The following POLR3H variants were observed in gnomAD, a reference collection of about 807,000 sequenced individuals.
The protein encoded by POLR3H is RNA polymerase III subunit H, also known as DNA-directed RNA polymerase III subunit RPC8.
Under a neutral mutation model 25.5 loss-of-function variants are expected in POLR3H, and 17 were observed. The ratio of observed to expected loss-of-function variants is 0.67; its 90% CI spans 0.46 to 1.00. POLR3H has a LOEUF of 1.00. Among genes scored for constraint, POLR3H ranks in the 50% least tolerant of loss-of-function variants. The pLI, the probability that POLR3H is intolerant of heterozygous loss-of-function variation, is 0.00. For synonymous variants in POLR3H, 129 were observed against 103.0 expected, an observed-to-expected ratio of 1.25 and a Z score of -1.53; for missense variants, 274 against 265.0, an observed-to-expected ratio of 1.03 and a Z score of -0.24.
Position 41,526,431 on chromosome 22 carries a change from C to G in POLR3H, c.*2852G>C. 6.2e-7 allele frequency: 1 copy of G among 1,613,412 alleles called. No individual in the cohort carries two copies. The highest frequency in any genetic ancestry group is 8.5e-7 in the Non-Finnish European group (1 of 1,179,652). On this transcript the variant is annotated 3_prime_UTR_variant, in exon 6 of 6. Transcript: ENST00000355209. Reference sequence around the variant, plus strand: ...GTCACTCAGGAGTTTGGCCCCGTCCCTGACACTGCCCGCTACTACAAGGTG... The same window carrying G: ...GTCACTCAGGAGTTTGGCCCCGTCCGTGACACTGCCCGCTACTACAAGGTG...
At chr22:41,529,770 T>C (rs2066686776) in intron 5 of POLR3H, 1 of 450,102 alleles carries the variant, frequency 2.2e-6, no homozygotes, top group Non-Finnish European at 4.4e-6. Context: ...GTTGTTTTTT[T>C]TTTTTGAGAC....
At chr22:41,530,639 C>T (rs934233078) in intron 5 of POLR3H, 48 bp downstream of exon 5, 2 of 1,538,338 alleles carry the variant, frequency 1.3e-6, no homozygotes, top group South Asian at 1.2e-5. Flanking sequence ...GCCCTGCACT[C>T]CGGCTCTCCC....
chr22:41,537,635 C>T (rs550910208), intron 2 of POLR3H, among the ~76,000 whole-genome samples: 41 of 152,268 alleles, frequency 2.7e-4, no homozygotes, highest in Admixed American at 2.1e-3. Context: ...CAGAGGTACC[C>T]GCCCAAGGTC....
intron 4 of POLR3H, among the ~76,000 whole-genome samples, chr22:41,531,883 C>T (rs951995022): frequency 1.3e-5 from 2 of 152,188 alleles, no homozygotes; most frequent in African/African-American, 4.8e-5. Context: ...CTGATGGCCC[C>T]GACAAAGACA....
At chr22:41,534,320 A>G (rs1325956830) in intron 2 of POLR3H, among the ~76,000 whole-genome samples, 3 of 152,162 alleles carry the variant, frequency 2.0e-5, no homozygotes, top group African/African-American at 7.2e-5. Context: ...TAAACAAAAC[A>G]TGCTGGAGAC....
At chr22:41,530,509 A>T (rs1413019828) in intron 5 of POLR3H, among the ~76,000 whole-genome samples, 178 bp downstream of exon 5, 1 of 152,186 alleles carries the variant, frequency 6.6e-6, no homozygotes, top group Non-Finnish European at 1.5e-5. Flanking sequence ...ACTGCCTCAC[A>T]GCCCTGGCCT....
intron 3 of POLR3H, 134 bp downstream of exon 3, chr22:41,532,525 G>C: frequency 6.6e-7 from 1 of 1,509,124 alleles, no homozygotes; most frequent in Non-Finnish European, 9.0e-7. Context: ...AGGGAGGGTG[G>C]GCAAGCTTCT....
At position 41,544,236 on chromosome 22, in the gene POLR3H, C is replaced by T. The variant is rs993430797; in HGVS notation, c.-135G>A. ...AGGCTGGCGGTGAGGTTGCACGGGG[C>T]GGTCTCGGGGGCCCGGTCCGGGCCA... On this transcript the variant is annotated 5_prime_UTR_variant, in exon 1 of 6. Transcript: ENST00000355209. 8.3e-6 allele frequency: 5 copies of T among 605,048 alleles called. No individual in the cohort carries two copies. Among genetic ancestry groups the T allele is most frequent in the Non-Finnish European group, 1.5e-5 (5 of 337,916 alleles). The allele number at this position is 605,048 out of a possible 1,614,324, so 37.5% of individuals were successfully genotyped here. A position where few individuals can be genotyped will look rare whatever the true frequency, so the allele number is the denominator to read the frequency against.
chr22:41,535,223 A>G (rs2066822472), intron 2 of POLR3H, among the ~76,000 whole-genome samples: 2 of 152,110 alleles, frequency 1.3e-5, no homozygotes, highest in Non-Finnish European at 2.9e-5. Flanking sequence ...ATGATCATTG[A>G]TGAGATCTGT....
In POLR3H at chr22:41,528,032, C is replaced by T. The variant is rs1448618897; in HGVS notation, c.*1251G>A. ...CTTCACCCCTGGCAAGGTTAGGGGC[C>T]CGGGTCCCCCTGAGGTGGTGGGGTG... On this transcript the variant is annotated 3_prime_UTR_variant, in exon 6 of 6. Transcript: ENST00000355209. 1 of 1,614,086 alleles carries T rather than the reference C, an allele frequency of 6.2e-7. No homozygotes were observed. The highest frequency in any genetic ancestry group is 8.5e-7 in the Non-Finnish European group (1 of 1,180,002).
intron 5 of POLR3H, among the ~76,000 whole-genome samples, chr22:41,529,938 G>A (rs2066691631): frequency 6.6e-6 from 1 of 151,520 alleles, no homozygotes; most frequent in Non-Finnish European, 1.5e-5. Context: ...TGTATTTTTA[G>A]TAGAGATGGG....
chr22:41,532,263 G>A (rs2066750894), intron 3 of POLR3H, 106 bp from the exon 4 acceptor site: 12 of 1,122,716 alleles, frequency 1.1e-5, no homozygotes, highest in East Asian at 9.6e-5. Flanking sequence ...GGCTGCCCAC[G>A]AGGCGGATGT....
chr22:41,527,488 C>G lies in POLR3H; in HGVS notation c.*1795G>C. 2 of 1,543,192 alleles carry G rather than the reference C, an allele frequency of 1.3e-6. No homozygotes were observed. Among genetic ancestry groups the G allele is most frequent in the South Asian group, 1.2e-5 (1 of 81,202 alleles). ...AGTGATCAAGGTCACTCTCCCTGCC[C>G]GTGGCTGAGTTGGGCCTGGTTCTAG... On this transcript the variant is annotated 3_prime_UTR_variant, in exon 6 of 6. Transcript: ENST00000355209.
chr22:41,534,571 G>A (rs552643007), intron 2 of POLR3H, among the ~76,000 whole-genome samples: 2 of 152,230 alleles, frequency 1.3e-5, no homozygotes, highest in East Asian at 3.9e-4. Flanking sequence ...GCTACTGGGC[G>A]GGGTTTCTTT....
chr22:41,543,252 C>T (rs1374841863), intron 1 of POLR3H, among the ~76,000 whole-genome samples: 5 of 152,252 alleles, frequency 3.3e-5, no homozygotes, highest in Middle Eastern at 3.4e-3. Flanking sequence ...ACAGAGAAGG[C>T]GCACAAATAT....
rs2066634679 is a variant in POLR3H, at chr22:41,527,811, G to C, written c.*1472C>G. ...GCATTGTCCCAGGCAGCAGGATTAG[G>C]GGCATCTCCCAGAGCCCCAGATGGG... On this transcript the variant is annotated 3_prime_UTR_variant, in exon 6 of 6. Transcript: ENST00000355209. The C allele has an allele frequency of 6.3e-7, 1 of 1,595,192 alleles. No homozygotes were observed. The highest frequency in any genetic ancestry group is 8.5e-7 in the Non-Finnish European group (1 of 1,170,330).
intron 2 of POLR3H, among the ~76,000 whole-genome samples, chr22:41,536,058 G>A (rs940271181): frequency 6.7e-6 from 1 of 150,258 alleles, no homozygotes; most frequent in Non-Finnish European, 1.5e-5. Context: ...CCAAAGTGCT[G>A]GGACTACAGG....
rs764094341 is a variant in POLR3H, at chr22:41,528,017, G to A, written c.*1266C>T. The A allele has an allele frequency of 3.7e-6, 6 of 1,614,044 alleles. No homozygotes were observed. The highest frequency in any genetic ancestry group is 4.2e-6 in the Non-Finnish European group (5 of 1,180,032). On this transcript the variant is annotated 3_prime_UTR_variant, in exon 6 of 6. Coordinates refer to ENST00000355209, the MANE Select transcript of POLR3H (RefSeq NM_001018050.4). ...TCAGGGCCTGAAGGACTTCACCCCT[G>A]GCAAGGTTAGGGGCCCGGGTCCCCC...
At chr22:41,531,760 C>A (rs117850446) in intron 4 of POLR3H, among the ~76,000 whole-genome samples, 377 of 152,354 alleles carry the variant, frequency 2.5e-3, no homozygotes, top group Non-Finnish European at 4.1e-3. Flanking sequence ...GGCAAGTGAT[C>A]TTTAAGATGA....
Sources: allele counts gnomAD v4.1 joint callset (sites outside exome capture counted in the v4.1 genomes callset), GRCh38; gene constraint gnomAD v4.1.1; transcripts MANE v1.5; gene names NCBI Gene and HGNC (gene_info 2026-07-23, HGNC 2026-07-21).